The following CREBBP variants were observed in gnomAD, a reference collection of about 807,000 sequenced individuals.
CREBBP encodes CREB-binding protein.
CREBBP carries 19 observed loss-of-function variants against 265.0 expected under a neutral mutation model. The ratio of observed to expected loss-of-function variants is 0.07; its 90% confidence interval spans 0.05 to 0.11. The LOEUF (loss-of-function observed/expected upper bound fraction) is 0.11. Among genes scored for constraint, CREBBP ranks in the 10% least tolerant of loss-of-function variants. The pLI is 1.00. For missense variants in CREBBP, 2,525 were observed against 3,219.0 expected (o/e 0.78, Z 5.22); for synonymous variants, 1,457 against 1,223.7 (o/e 1.19, Z -3.98).
At chr16:3,875,998 G>C (rs1403037638) in intron 1 of CREBBP, among the ~76,000 whole-genome samples, 1 of 152,080 alleles carries the variant, frequency 6.6e-6, no homozygotes, top group East Asian at 1.9e-4. Flanking sequence ...TACAGCACAG[G>C]ATGAAACACA....
intron 1 of CREBBP, among the ~76,000 whole-genome samples, chr16:3,867,612 CTTAA>C (rs2055202719): frequency 6.6e-6 from 1 of 151,930 alleles, no homozygotes; most frequent in Non-Finnish European, 1.5e-5. Flanking sequence ...AAAAAGAAGA[CTTAA>C]TTAATTAAAA....
intron 28 of CREBBP, among the ~76,000 whole-genome samples, chr16:3,734,013 T>C (rs1358075361): frequency 6.6e-6 from 1 of 152,236 alleles, no homozygotes; most frequent in Non-Finnish European, 1.5e-5. Context: ...CAAGTAATTT[T>C]AAAAAGTTTT....
chr16:3,728,966 G>C lies in CREBBP; in HGVS notation c.6081C>G (p.Pro2027=), dbSNP rs2151306280. ...PPGQWQQAPL[P]QQQPMPGLPR... Reference sequence around the variant, plus strand: ...GCAAGCCTGGCATGGGCTGCTGCTGGGGAAGGGGCGCCTGCTGCCACTGCC... The same window carrying C: ...GCAAGCCTGGCATGGGCTGCTGCTGCGGAAGGGGCGCCTGCTGCCACTGCC... Residue 2027 remains proline, a synonymous_variant, in exon 31 of 31, where the codon CCC becomes CCG. Transcript: ENST00000262367. This position sits in a 1 kb window ranked among gnomAD's most constrained non-coding sequence, Gnocchi z 8.7. The C allele has an allele frequency of 6.3e-7, 1 of 1,597,198 alleles. No individual in the cohort carries two copies. Among genetic ancestry groups the C allele is most frequent in the Non-Finnish European group, 8.5e-7 (1 of 1,177,052 alleles).
intron 2 of CREBBP, among the ~76,000 whole-genome samples, chr16:3,819,975 T>A (rs991623398): frequency 5.3e-5 from 8 of 152,156 alleles, no homozygotes. Context: ...AAGCTGGAGT[T>A]TTTTTAGCAT....
chr16:3,733,356 C>T (rs867125207), intron 28 of CREBBP, among the ~76,000 whole-genome samples: 9 of 127,974 alleles, frequency 7.0e-5, no homozygotes, highest in African/African-American at 2.9e-4. Context: ...AGCGAGACTC[C>T]ATCTCAAAAA....
At chr16:3,771,930 C>A (rs1195247002) in intron 13 of CREBBP, among the ~76,000 whole-genome samples, 3 of 151,822 alleles carry the variant, frequency 2.0e-5, no homozygotes, top group Admixed American at 6.6e-5. Context: ...CCTGCCTCAG[C>A]CTCCTCAGTA....
chr16:3,751,198 G>A (rs2052464475), intron 20 of CREBBP, among the ~76,000 whole-genome samples: 2 of 152,244 alleles, frequency 1.3e-5, no homozygotes, highest in African/African-American at 4.8e-5. Flanking sequence ...CCACCGCCTT[G>A]AATGATAAAG....
At chr16:3,763,779 A>T (rs1210648499) in intron 16 of CREBBP, among the ~76,000 whole-genome samples, 1 of 152,004 alleles carries the variant, frequency 6.6e-6, no homozygotes, top group African/African-American at 2.4e-5. Flanking sequence ...CAATTTTTAT[A>T]ACACTAAATT....
chr16:3,783,716 C>T (rs528778742), intron 5 of CREBBP, among the ~76,000 whole-genome samples: 1 of 152,230 alleles, frequency 6.6e-6, no homozygotes, highest in Non-Finnish European at 1.5e-5. Context: ...CTCTGCCTCA[C>T]GTGGCCAAAG....
intron 21 of CREBBP, among the ~76,000 whole-genome samples, chr16:3,746,986 T>C (rs1172897841): frequency 6.6e-6 from 1 of 152,052 alleles, no homozygotes; most frequent in Non-Finnish European, 1.5e-5. Context: ...ACACACTGCA[T>C]ATTCTAGACC....
rs754744293 is a variant in CREBBP, at chr16:3,777,641, C to G, written c.2130G>C (p.Leu710=). Residue 710 remains leucine, a synonymous_variant, in exon 11 of 31, where the codon CTG becomes CTC. Coordinates refer to ENST00000262367, the MANE Select transcript of CREBBP (RefSeq NM_004380.3). ...PVRPPNGPLS[L]PVNRMQVSQG... ...GAGAAACTTGCATGCGATTCACTGG[C>G]AGGGACAGGGGTCCATCTATGGTGG... 1.9e-6 allele frequency: 3 copies of G among 1,613,984 alleles called. No individual in the cohort carries two copies. The African/African-American group carries it at 4.0e-5, about 22-fold the overall frequency.
chr16:3,729,997 A>C, intron 30 of CREBBP, 123 bp from the exon 31 acceptor site: 1 of 1,499,998 alleles, frequency 6.7e-7, no homozygotes, highest in Non-Finnish European at 9.0e-7. Flanking sequence ...AGGATAGGAG[A>C]CCCAGACAGG....
chr16:3,766,636 C>A lies in CREBBP; in HGVS notation c.3250+1084G>T, dbSNP rs910334933. ...AAACTCCTAGGCTCAGGCAATCCTG[C>A]CGCTTCCGCTTCTCGAGCAGCTAGA... is the stretch of plus-strand genomic sequence containing the variant. On this transcript the variant is annotated intron_variant, in intron 16 of 30. Coordinates refer to ENST00000262367, the MANE Select transcript of CREBBP (RefSeq NM_004380.3). Among the ~76,000 whole-genome samples the A allele has an allele frequency of 4.5e-4, 68 of 152,010 alleles. 2 individuals carry two copies. Among genetic ancestry groups the A allele is most frequent in the Non-Finnish European group, 1.5e-5 (1 of 68,004 alleles).
At chr16:3,815,859 T>A (rs1353823239) in intron 2 of CREBBP, among the ~76,000 whole-genome samples, 1 of 152,118 alleles carries the variant, frequency 6.6e-6, no homozygotes, top group Admixed American at 6.5e-5. Context: ...TTTTGAATAG[T>A]CACCCTGTTG....
chr16:3,785,363 ATC>A (rs2053361842), intron 5 of CREBBP, among the ~76,000 whole-genome samples: 1 of 152,216 alleles, frequency 6.6e-6, no homozygotes, highest in South Asian at 2.1e-4. Context: ...TGTGGGCACA[ATC>A]TCTGCATTCC....
chr16:3,783,823 A>G (rs986758590), intron 5 of CREBBP, among the ~76,000 whole-genome samples: 8 of 152,236 alleles, frequency 5.3e-5, no homozygotes, highest in African/African-American at 1.9e-4. Flanking sequence ...TGGTGTCAAC[A>G]TAAGGAGCTC....
At chr16:3,767,696 T>C (rs1423148728) in intron 16 of CREBBP, 24 bp downstream of exon 16, 1 of 1,614,254 alleles carries the variant, frequency 6.2e-7, no homozygotes, top group Admixed American at 1.7e-5. Flanking sequence ...CATGCTTTAA[T>C]AAGGTAATGA....
At chr16:3,811,468 A>G (rs989751106) in intron 2 of CREBBP, among the ~76,000 whole-genome samples, 5 of 152,128 alleles carry the variant, frequency 3.3e-5, no homozygotes, top group Non-Finnish European at 7.4e-5. Context: ...AATGGTACAT[A>G]TATTTTCTTT....
chr16:3,851,149 G>A, intron 1 of CREBBP, 140 bp from the exon 2 acceptor site: 1 of 751,972 alleles, frequency 1.3e-6, no homozygotes, highest in Non-Finnish European at 2.3e-6. Context: ...TTAGCTGGGT[G>A]TGGTAGCGCA....
Sources: allele counts gnomAD v4.1 joint callset (sites outside exome capture counted in the v4.1 genomes callset), GRCh38; gene constraint gnomAD v4.1.1; non-coding constraint Gnocchi (gnomAD v3.1); transcripts MANE v1.5; gene names NCBI Gene and HGNC (gene_info 2026-07-23, HGNC 2026-07-21).